The following COL22A1 variants were observed in gnomAD, a reference collection of about 807,000 sequenced individuals.
COL22A1 encodes the protein collagen type XXII alpha 1 chain.
A neutral mutation model predicts 248.9 loss-of-function variants in COL22A1; 221 were observed. The observed-to-expected ratio is 0.89, with a 90% CI of 0.80 to 0.99. COL22A1 has a LOEUF of 0.99. COL22A1 is among the 50% of genes least tolerant of loss of function. The probability of loss-of-function intolerance (pLI) is 0.00; values close to 1 mark genes in which losing one functional copy is unlikely to be tolerated. For synonymous variants in COL22A1, 891 were observed against 793.4 expected, an observed-to-expected ratio of 1.12 and a Z score of -2.07; for missense variants, 2,240 against 2,179.0, an observed-to-expected ratio of 1.03 and a Z score of -0.56.
intron 5 of COL22A1, among the ~76,000 whole-genome samples, chr8:138,829,839 A>G (rs1819893779): frequency 6.6e-6 from 1 of 152,188 alleles, no homozygotes. Flanking sequence ...CAAGTGTATC[A>G]TAAGAAAAAG....
At chr8:138,714,608 C>A (rs1003349585) in intron 30 of COL22A1, among the ~76,000 whole-genome samples, 1 of 152,168 alleles carries the variant, frequency 6.6e-6, no homozygotes. Context: ...CACATCCCAT[C>A]GGCTTCCCTA....
intron 64 of COL22A1, among the ~76,000 whole-genome samples, chr8:138,589,826 C>G (rs1816886155): frequency 6.6e-6 from 1 of 152,118 alleles, no homozygotes; most frequent in Non-Finnish European, 1.5e-5. Context: ...GACACCAAGT[C>G]CTGATCATTA....
chr8:138,847,643 T>C (rs1821341265), intron 3 of COL22A1, among the ~76,000 whole-genome samples: 1 of 152,188 alleles, frequency 6.6e-6, no homozygotes, highest in South Asian at 2.1e-4. Context: ...AAGCTTTTGG[T>C]TTCCTTGATG....
intron 4 of COL22A1, among the ~76,000 whole-genome samples, chr8:138,842,527 G>A (rs867910742): frequency 6.6e-6 from 1 of 152,190 alleles, no homozygotes; most frequent in South Asian, 2.1e-4. Flanking sequence ...CACTCCAGTG[G>A]ATAGAAAATA....
intron 23 of COL22A1, among the ~76,000 whole-genome samples, chr8:138,734,052 G>A (rs886180502): frequency 1.2e-4 from 18 of 152,090 alleles, no homozygotes; most frequent in Non-Finnish European, 1.8e-4. Flanking sequence ...ACCCTGCCTC[G>A]CCCTTGACCA....
chr8:138,660,003 C>T (rs554927036), intron 44 of COL22A1, among the ~76,000 whole-genome samples: 2 of 152,348 alleles, frequency 1.3e-5, no homozygotes, highest in African/African-American at 4.8e-5. Flanking sequence ...ACTTTTCACC[C>T]TTCTCTGTCC....
At chr8:138,883,588 G>A (rs1432481065) in intron 1 of COL22A1, among the ~76,000 whole-genome samples, 1 of 152,228 alleles carries the variant, frequency 6.6e-6, no homozygotes, top group African/African-American at 2.4e-5. Context: ...ATCCCCACGT[G>A]TCGAGGGAGG....
chr8:138,895,060 T>A (rs200770618), intron 1 of COL22A1, among the ~76,000 whole-genome samples: 4 of 139,606 alleles, frequency 2.9e-5, no homozygotes, highest in African/African-American at 5.4e-5. Flanking sequence ...ACCTTTCTCT[T>A]AAAAAAAAAA....
chr8:138,804,796 G>C (rs978086866), intron 10 of COL22A1, among the ~76,000 whole-genome samples: 7 of 135,464 alleles, frequency 5.2e-5, no homozygotes, highest in African/African-American at 2.2e-4. Context: ...CGTGTGGTGT[G>C]TGTGTGTGTG....
rs1819700216 is a variant in COL22A1 at position 138,620,519 on chromosome 8, G to A, written c.3772-1011C>T. ...TCTTAAAGTGCCATTTCCTTTCTCC[G>A]GATCTCTGGATCTGTAAATTTGGGA... On this transcript the variant is annotated intron_variant, in intron 52 of 64. Transcript: ENST00000303045. 3 of 152,128 alleles carry A rather than the reference G, an allele frequency of 2.0e-5. No homozygotes were observed. In the South Asian group the frequency reaches 6.2e-4, roughly 32 times the overall value. 9.4% of individuals were successfully genotyped at this position (152,128 alleles called of 1,614,324 possible). A position where few individuals can be genotyped will look rare whatever the true frequency, so the allele number is the denominator to read the frequency against.
chr8:138,833,043 T>G lies in COL22A1; in HGVS notation c.841A>C (p.Thr281Pro). Residue 281 changes from threonine to proline, a missense_variant, in exon 5 of 65, where the codon ACT (threonine) becomes CCT (proline). Thr to Pro is a conservative substitution (Grantham distance 38). Coordinates refer to ENST00000303045, the MANE Select transcript of COL22A1 (RefSeq NM_152888.3). ...RMGSFPVVQS[T>P]EDVFPQGLPD... ...GAAAGAGAAGTGGCCACTCACTCAG[T>G]ACTTTGCACCACAGGGAAGGATCCC... 6.2e-7 allele frequency: 1 copy of G among 1,604,456 alleles called. No homozygotes were observed. The highest frequency in any genetic ancestry group is 8.5e-7 in the Non-Finnish European group (1 of 1,171,164).
At chr8:138,825,777 C>T (rs1819531741) in intron 6 of COL22A1, 2 of 152,088 alleles carry the variant, frequency 1.3e-5, no homozygotes, top group Admixed American at 6.6e-5. Flanking sequence ...TCAGTATCTC[C>T]CAGCTGAAAA....
chr8:138,609,691 C>T (rs1818708307), intron 56 of COL22A1, among the ~76,000 whole-genome samples: 1 of 152,240 alleles, frequency 6.6e-6, no homozygotes, highest in African/African-American at 2.4e-5. Flanking sequence ...CTCCTTCTTT[C>T]TCTAATCTTC....
At chr8:138,690,389 T>C (rs60078568) in intron 36 of COL22A1, among the ~76,000 whole-genome samples, 52,943 of 152,018 alleles carry the variant, frequency 0.35, 9,374 homozygotes, top group South Asian at 0.43. Context: ...AGCCAAGCTA[T>C]TGTCTCCATT....
intron 3 of COL22A1, among the ~76,000 whole-genome samples, chr8:138,866,062 T>C (rs1822874087): frequency 6.6e-6 from 1 of 151,958 alleles, no homozygotes; most frequent in African/African-American, 2.4e-5. Flanking sequence ...TGGGGGTAAA[T>C]TCAAAGAAAC....
At chr8:138,658,567 C>T (rs1189753758) in intron 44 of COL22A1, among the ~76,000 whole-genome samples, 1 of 152,202 alleles carries the variant, frequency 6.6e-6, no homozygotes, top group Non-Finnish European at 1.5e-5. Flanking sequence ...GAATTGAGTG[C>T]TGTCTGCACA....
chr8:138,765,289 C>T (rs1833825601), intron 16 of COL22A1, among the ~76,000 whole-genome samples: 1 of 152,098 alleles, frequency 6.6e-6, no homozygotes, highest in Non-Finnish European at 1.5e-5. Flanking sequence ...GGGGCCTGGG[C>T]TGGTGAGTGG....
At chr8:138,683,686 G>A (rs887649401) in intron 39 of COL22A1, among the ~76,000 whole-genome samples, 1 of 152,124 alleles carries the variant, frequency 6.6e-6, no homozygotes, top group Admixed American at 6.5e-5. Flanking sequence ...GAAGAGCCAT[G>A]GGATTCACAC....
intron 43 of COL22A1, 126 bp from the exon 44 acceptor site, chr8:138,660,606 C>T (rs1823736760): frequency 2.5e-6 from 2 of 788,700 alleles, no homozygotes; most frequent in South Asian, 1.6e-5. Context: ...AATCATCAGA[C>T]CATGAGGATT....
Sources: allele counts gnomAD v4.1 joint callset (sites outside exome capture counted in the v4.1 genomes callset), GRCh38; gene constraint gnomAD v4.1.1; transcripts MANE v1.5; gene names NCBI Gene and HGNC (gene_info 2026-07-23, HGNC 2026-07-21).